The following UTRN variants were observed in gnomAD, a reference collection of about 807,000 sequenced individuals.
The protein encoded by UTRN is dystrophin-related protein 1.
UTRN carries 283 observed loss-of-function variants against 463.9 expected under a neutral mutation model. The observed-to-expected ratio is 0.61, with a 90% CI of 0.55 to 0.67. UTRN has a LOEUF of 0.67. Among genes scored for constraint, UTRN ranks in the 30% least tolerant of loss-of-function variants. The pLI is 0.00. For missense variants in UTRN, 3,922 were observed against 4,084.3 expected (o/e 0.96, Z 1.08); for synonymous variants, 1,442 against 1,431.5 (o/e 1.01, Z -0.17).
At chr6:144,436,774 T>A (rs1194371223) in intron 10 of UTRN, among the ~76,000 whole-genome samples, 8 of 143,916 alleles carry the variant, frequency 5.6e-5, no homozygotes, top group South Asian at 2.1e-4. Context: ...TTTATATATA[T>A]AATAAATAAA....
chr6:144,809,786 A>G (rs999222553), intron 65 of UTRN, among the ~76,000 whole-genome samples: 1 of 152,150 alleles, frequency 6.6e-6, no homozygotes, highest in African/African-American at 2.4e-5. Flanking sequence ...GGAAGGGCAC[A>G]TTGGCTTTAG....
chr6:144,763,082 C>G (rs1041749454), intron 58 of UTRN, among the ~76,000 whole-genome samples: 1 of 152,020 alleles, frequency 6.6e-6, no homozygotes, highest in African/African-American at 2.4e-5. Flanking sequence ...TTCATAGAAC[C>G]CTAAATACAA....
chr6:144,682,813 TATTTA>T (rs1310342380), intron 52 of UTRN, among the ~76,000 whole-genome samples: 1 of 152,258 alleles, frequency 6.6e-6, no homozygotes, highest in African/African-American at 2.4e-5. Context: ...AATAGTTTGT[TATTTA>T]ATTTAGCCTC....
intron 51 of UTRN, among the ~76,000 whole-genome samples, chr6:144,653,691 T>C (rs1025667451): frequency 2.6e-5 from 4 of 152,080 alleles, no homozygotes; most frequent in Admixed American, 6.5e-5. Flanking sequence ...CATGGACATA[T>C]AGATTGTTTT....
chr6:144,514,125 C>A, intron 36 of UTRN, 88 bp downstream of exon 36: 1 of 1,507,962 alleles, frequency 6.6e-7, no homozygotes, highest in Non-Finnish European at 9.0e-7. Flanking sequence ...AGTTACTTAG[C>A]TCTCATTCCT....
chr6:144,633,879 T>G (rs1776813896), intron 51 of UTRN, among the ~76,000 whole-genome samples: 1 of 152,250 alleles, frequency 6.6e-6, no homozygotes, highest in Non-Finnish European at 1.5e-5. Context: ...AAATATTTCC[T>G]CACTACTTGA....
At chr6:144,732,772 G>A (rs938184993) in intron 54 of UTRN, among the ~76,000 whole-genome samples, 1 of 151,970 alleles carries the variant, frequency 6.6e-6, no homozygotes, top group Non-Finnish European at 1.5e-5. Flanking sequence ...GAGTGTAGTG[G>A]TGAAATCACG....
intron 53 of UTRN, among the ~76,000 whole-genome samples, chr6:144,720,033 C>T (rs991221389): frequency 6.6e-6 from 1 of 152,210 alleles, no homozygotes; most frequent in African/African-American, 2.4e-5. Flanking sequence ...GTCCATATGA[C>T]CAACTGCTAG....
chr6:144,693,004 G>GT lies in UTRN; in HGVS notation c.7653-7072dup, dbSNP rs779297278. Among the ~76,000 whole-genome samples the GT allele has an allele frequency of 2.9e-3, 410 of 143,598 alleles. 1 individual carries two copies. The highest frequency in any genetic ancestry group is 5.6e-3 in the African/African-American group (220 of 39,378). 94.2% of individuals were successfully genotyped at this position (143,598 alleles called of 152,430 possible). A position where few individuals can be genotyped will look rare whatever the true frequency, so the allele number is the denominator to read the frequency against. On this transcript the variant is annotated intron_variant, in intron 52 of 74. Transcript: ENST00000367545. ...GGTATTGCCTCAGTTGTCTTTCAGG[G>GT]TTTTTTTTTTTATAGTTTTGGGTTT...
intron 2 of UTRN, among the ~76,000 whole-genome samples, chr6:144,388,401 C>A (rs1213682558): frequency 6.6e-6 from 1 of 152,064 alleles, no homozygotes; most frequent in African/African-American, 2.4e-5. Context: ...CAGCCTCAAA[C>A]TCCTGGGTTC....
chr6:144,501,511 G>A (rs1794177557), intron 34 of UTRN, among the ~76,000 whole-genome samples: 1 of 151,890 alleles, frequency 6.6e-6, no homozygotes, highest in East Asian at 1.9e-4. Flanking sequence ...AATAAATTTT[G>A]TTGTAACTAG....
Position 144,678,427 on chromosome 6 carries a change from G to A in UTRN, c.7501G>A (p.Ala2501Thr). The A allele has an allele frequency of 6.2e-7, 1 of 1,611,482 alleles. No individual in the cohort carries two copies. The highest frequency in any genetic ancestry group is 1.1e-5 in the South Asian group (1 of 90,742). Reference sequence around the variant, plus strand: ...TTAGGACATCCAGGCAGAAATTGATGCCCACAATGACATATTTAAAAGCAT... The same window carrying A: ...TTAGGACATCCAGGCAGAAATTGATACCCACAATGACATATTTAAAAGCAT... ...QMQDIQAEID[A>T]HNDIFKSIDG... is the part of the protein sequence containing the mutation. The change falls in exon 52 of 75, where the codon GCC becomes ACC. Residue 2501 changes from alanine (A) to threonine (T), a missense_variant. By Grantham distance (58) the Ala-to-Thr change is moderately conservative. Coordinates refer to ENST00000367545, the MANE Select transcript of UTRN (RefSeq NM_007124.3).
At chr6:144,325,445 G>A (rs1775917623) in intron 2 of UTRN, among the ~76,000 whole-genome samples, 1 of 152,094 alleles carries the variant, frequency 6.6e-6, no homozygotes, top group African/African-American at 2.4e-5. Flanking sequence ...CTCAGTAGAT[G>A]CCAGTGCCAT....
intron 2 of UTRN, among the ~76,000 whole-genome samples, chr6:144,359,338 C>G (rs915129122): frequency 6.6e-6 from 1 of 152,146 alleles, no homozygotes; most frequent in African/African-American, 2.4e-5. Flanking sequence ...GCTGAGAACC[C>G]CTGATATAAG....
At chr6:144,293,487 G>C (rs563899773) in intron 2 of UTRN, among the ~76,000 whole-genome samples, 38 of 152,208 alleles carry the variant, frequency 2.5e-4, no homozygotes, top group African/African-American at 8.7e-4. Flanking sequence ...TGGCAAAAAT[G>C]ATAACATGTT....
intron 65 of UTRN, among the ~76,000 whole-genome samples, chr6:144,806,176 C>T (rs1271740895): frequency 3.9e-5 from 6 of 152,098 alleles, no homozygotes; most frequent in African/African-American, 1.4e-4. Flanking sequence ...CACATATCTT[C>T]AACAGTTGTC....
chr6:144,684,735 A>C (rs1225855492), intron 52 of UTRN, among the ~76,000 whole-genome samples: 1 of 152,242 alleles, frequency 6.6e-6, no homozygotes, highest in African/African-American at 2.4e-5. Flanking sequence ...TCTCCTTCAC[A>C]TTAAGGTTAT....
rs368154009 is a variant in UTRN at position 144,504,228 on chromosome 6, A to G, written c.4764+4801A>G. On this transcript the variant is annotated intron_variant, in intron 34 of 74. Transcript: ENST00000367545. ...TTCTCTTCCTATTTGAATACGCTTT[A>G]TTTCTTTCTCTTTCCTGATTGCCCT... 2.3e-3 allele frequency among the ~76,000 whole-genome samples: 355 copies of G among 151,880 alleles called. 9 individuals are homozygous for G. The South Asian group carries it at 0.048, about 21-fold the overall frequency.
At chr6:144,459,545 C>A (rs1480063589) in intron 21 of UTRN, among the ~76,000 whole-genome samples, 191 bp downstream of exon 21, 3 of 152,080 alleles carry the variant, frequency 2.0e-5, no homozygotes, top group African/African-American at 7.2e-5. Flanking sequence ...TTTTTGTAAA[C>A]ATACAAGCAA....
Sources: allele counts gnomAD v4.1 joint callset (sites outside exome capture counted in the v4.1 genomes callset), GRCh38; gene constraint gnomAD v4.1.1; transcripts MANE v1.5; gene names NCBI Gene and HGNC (gene_info 2026-07-23, HGNC 2026-07-21).